Variants in RGS6 observed in about 807,000 individuals in gnomAD.
RGS6 encodes regulator of G-protein signaling 6.
RGS6 carries 30 observed loss-of-function variants against 78.5 expected under a neutral mutation model. The ratio of observed to expected loss-of-function variants is 0.38; its 90% CI spans 0.29 to 0.52. The LOEUF (loss-of-function observed/expected upper bound fraction) is 0.52, where lower values mean the gene tolerates loss of function less well. Among genes scored for constraint, RGS6 ranks in the 20% least tolerant of loss-of-function variants. The pLI is 0.85. For missense variants in RGS6, 495 were observed against 609.7 expected (o/e 0.81, Z 1.98); for synonymous variants, 206 against 206.0 (o/e 1.00, Z 0.00).
intron 2 of RGS6, among the ~76,000 whole-genome samples, chr14:72,250,369 G>A (rs2153836853): frequency 7.8e-6 from 1 of 127,496 alleles, no homozygotes; most frequent in Admixed American, 9.3e-5. Context: ...TCAGTGGGTT[G>A]ACCTCTTGGC....
chr14:71,896,009 G>C, the RGS6 span, among the ~76,000 whole-genome samples: 126,177 of 151,942 alleles, frequency 0.83, 52,598 homozygotes, highest in African/African-American at 0.85. Flanking sequence ...AGGGAGCCCA[G>C]GGGTGCAGTC....
chr14:72,551,784 C>A (rs1327627802), intron 17 of RGS6, among the ~76,000 whole-genome samples: 2 of 152,238 alleles, frequency 1.3e-5, no homozygotes, highest in East Asian at 3.8e-4. Context: ...TGGGAGCTCA[C>A]ACTCACAGTG....
chr14:72,511,082 CAG>C (rs2096872931), intron 14 of RGS6, among the ~76,000 whole-genome samples: 1 of 152,096 alleles, frequency 6.6e-6, no homozygotes, highest in Non-Finnish European at 1.5e-5. Flanking sequence ...GATGAAGAAT[CAG>C]AAATCTGCAG....
At chr14:72,290,327 A>G (rs1365481432) in intron 2 of RGS6, among the ~76,000 whole-genome samples, 1 of 152,140 alleles carries the variant, frequency 6.6e-6, no homozygotes, top group Admixed American at 6.5e-5. Context: ...GCTAGGTCAC[A>G]GGTTTTTCAG....
downstream of RGS6, among the ~76,000 whole-genome samples, chr14:72,571,329 A>T (rs1399644582): frequency 6.6e-6 from 1 of 152,214 alleles, no homozygotes; most frequent in Non-Finnish European, 1.5e-5. Context: ...TCCTTAGCCC[A>T]TCTAGTCAGA....
chr14:72,421,156 CA>C (rs1029117425), intron 3 of RGS6: 5 of 150,826 alleles, frequency 3.3e-5, no homozygotes, highest in African/African-American at 1.2e-4. Context: ...CCTGTGAAGT[CA>C]GGAAAATGAC....
chr14:72,028,977 G>A (rs2090393574), intron 2 of RGS6, among the ~76,000 whole-genome samples: 1 of 152,150 alleles, frequency 6.6e-6, no homozygotes, highest in African/African-American at 2.4e-5. Flanking sequence ...CTAGAGTAAT[G>A]CTCACTTTTA....
chr14:72,244,641 T>C (rs1252132491), intron 2 of RGS6, among the ~76,000 whole-genome samples: 2 of 152,154 alleles, frequency 1.3e-5, no homozygotes, highest in Non-Finnish European at 2.9e-5. Context: ...CGAGACCTAT[T>C]GCTGAGCCTA....
rs199567061 is a variant in RGS6, at chr14:72,152,241, A to T, written c.84+187366A>T. 2.9e-3 allele frequency among the ~76,000 whole-genome samples: 340 copies of T among 118,858 alleles called. 1 individual carries two copies. Among genetic ancestry groups the T allele is most frequent in the African/African-American group, 9.1e-3 (324 of 35,466 alleles). 78.0% of individuals were successfully genotyped at this position (118,858 alleles called of 152,430 possible). The stretch of plus-strand genomic sequence containing the variant: ...CTGCATGAGAGAGAGAGAGAGAGAG[A>T]GAGAGTGTGTGTGTGTGTGTGTGTG... On this transcript the variant is annotated intron_variant, in intron 2 of 17. Coordinates refer to ENST00000553525, the MANE Select transcript of RGS6 (RefSeq NM_001204424.2).
chr14:71,945,120 C>T (rs1233981449), intron 1 of RGS6, among the ~76,000 whole-genome samples: 1 of 152,112 alleles, frequency 6.6e-6, no homozygotes, highest in Non-Finnish European at 1.5e-5. Context: ...CTAATATAAA[C>T]TCCTTATAGT....
At position 72,352,110 on chromosome 14, in the gene RGS6, A is replaced by G. The variant is rs1411152505; in HGVS notation, c.100A>G (p.Thr34Ala). 3.7e-6 allele frequency: 6 copies of G among 1,612,410 alleles called. No individual in the cohort carries two copies. The Admixed American group carries it at 6.7e-5, about 18-fold the overall frequency. Residue 34 changes from threonine (T) to alanine (A), a missense_variant, in exon 3 of 18, where the codon ACA (threonine) becomes GCA (alanine). Physicochemically the swap from Thr to Ala is moderately conservative, Grantham distance 58. Transcript: ENST00000553525. ...IVYCKIEDII[T>A]KMQDDKTGGV... ...CCTCTTTCAGATTGAAGACATCATTACAAAGATGCAAGATGACAAGACAGG... is the reference window on the plus strand; with the variant it reads ...CCTCTTTCAGATTGAAGACATCATTGCAAAGATGCAAGATGACAAGACAGG...
chr14:72,607,783 C>A, the RGS6 span, among the ~76,000 whole-genome samples: 4 of 152,202 alleles, frequency 2.6e-5, no homozygotes, highest in Non-Finnish European at 5.9e-5. Flanking sequence ...CCTGGCCTTT[C>A]CCCTCTGGTC....
chr14:72,415,301 C>G (rs1195832652), intron 3 of RGS6, among the ~76,000 whole-genome samples: 1 of 149,184 alleles, frequency 6.7e-6, no homozygotes, highest in Non-Finnish European at 1.5e-5. Flanking sequence ...GCTGTGCTAG[C>G]AATGAGCGAA....
chr14:72,407,997 C>T lies in RGS6; in HGVS notation c.185-46531C>T, dbSNP rs572735995. Reference sequence around the variant, plus strand: ...ATTACAGGCGGCCTTCCCCTCTGCTCCACTGGAGAGAGTCAGAGTAATTGG... The same window carrying T: ...ATTACAGGCGGCCTTCCCCTCTGCTTCACTGGAGAGAGTCAGAGTAATTGG... On this transcript the variant is annotated intron_variant, in intron 3 of 17. Transcript: ENST00000553525. Among the ~76,000 whole-genome samples the T allele has an allele frequency of 5.3e-5, 8 of 152,282 alleles. No homozygotes were observed. In the East Asian group the frequency reaches 5.8e-4, roughly 11 times the overall value.
chr14:71,971,302 T>A (rs2093789082), intron 2 of RGS6, among the ~76,000 whole-genome samples: 1 of 152,162 alleles, frequency 6.6e-6, no homozygotes, highest in South Asian at 2.1e-4. Context: ...TGGAAAGAGA[T>A]GGGAGGGAAG....
intron 14 of RGS6, among the ~76,000 whole-genome samples, chr14:72,517,495 G>A (rs1164829067): frequency 6.6e-6 from 1 of 152,106 alleles, no homozygotes. Context: ...CCATGCGGAT[G>A]CTGAGGGATT....
At chr14:72,168,011 G>A (rs939313247) in intron 2 of RGS6, among the ~76,000 whole-genome samples, 4 of 152,148 alleles carry the variant, frequency 2.6e-5, no homozygotes, top group African/African-American at 9.7e-5. Context: ...AGTAATTGCG[G>A]AGAACCCTAG....
chr14:71,974,404 A>C (rs1411465721), intron 2 of RGS6, among the ~76,000 whole-genome samples: 1 of 152,344 alleles, frequency 6.6e-6, no homozygotes, highest in Admixed American at 6.5e-5. Context: ...ATATATATAG[A>C]TATAGACATA....
chr14:72,258,129 G>A (rs962540931), intron 2 of RGS6, among the ~76,000 whole-genome samples: 16 of 152,166 alleles, frequency 1.1e-4, no homozygotes, highest in South Asian at 2.1e-4. Flanking sequence ...GAAAAATCCA[G>A]AGGATTTATC....
Sources: gnomAD v4.1 joint callset for allele counts (sites outside exome capture counted in the v4.1 genomes callset) on GRCh38, gnomAD v4.1.1 for gene constraint, MANE v1.5 for transcripts, NCBI Gene and HGNC (gene_info 2026-07-23, HGNC 2026-07-21) for gene names.